Variants in FIG4 observed in about 807,000 individuals in gnomAD.
FIG4 encodes FIG4 phosphoinositide 5-phosphatase, also known as polyphosphoinositide phosphatase.
Under a neutral mutation model 118.6 loss-of-function variants are expected in FIG4, and 112 were observed. That is an observed-to-expected ratio of 0.94 (90% CI 0.81 to 1.11). The LOEUF is 1.11. FIG4 is among the 50% of genes least tolerant of loss of function. FIG4 has a pLI of 0.00. For missense variants in FIG4, 969 were observed against 1,111.7 expected (o/e 0.87, Z 1.83); for synonymous variants, 369 against 381.2 (o/e 0.97, Z 0.37).
chr6:109,718,535 T>C (rs1775505241), intron 3 of FIG4, among the ~76,000 whole-genome samples: 1 of 152,216 alleles, frequency 6.6e-6, no homozygotes, highest in African/African-American at 2.4e-5. Context: ...AAGAATACTG[T>C]CGTTGCTCTT....
intron 1 of FIG4, among the ~76,000 whole-genome samples, chr6:109,701,511 C>T (rs943125341): frequency 2.6e-5 from 4 of 152,168 alleles, no homozygotes; most frequent in Admixed American, 6.5e-5. Context: ...TAATAGTTGA[C>T]GTTAAAATTG....
chr6:109,693,406 A>G (rs565451391), intron 1 of FIG4, among the ~76,000 whole-genome samples: 1 of 152,270 alleles, frequency 6.6e-6, no homozygotes, highest in Admixed American at 6.5e-5. Context: ...ATGCCTTGCA[A>G]ACAGTAGTCT....
intron 10 of FIG4, among the ~76,000 whole-genome samples, chr6:109,744,399 T>A (rs973378438): frequency 1.3e-5 from 2 of 151,974 alleles, no homozygotes; most frequent in Non-Finnish European, 2.9e-5. Context: ...AACCACAGAA[T>A]AAGTTTTATC....
At position 109,730,563 on chromosome 6, in the gene FIG4, T is replaced by C. The variant is rs759498367; in HGVS notation, c.447-2074T>C. ...AGTAAGCTATAGTAAATAAGACTGC[T>C]AAGTATTGGTGGAGGAATTGATGGG... On this transcript the variant is annotated intron_variant, in intron 4 of 22. Transcript: ENST00000230124. 7.9e-5 allele frequency among the ~76,000 whole-genome samples: 12 copies of C among 152,262 alleles called. No homozygotes were observed. The East Asian group carries it at 2.1e-3, about 27-fold the overall frequency.
At chr6:109,724,131 A>G (rs1775705888) in intron 3 of FIG4, among the ~76,000 whole-genome samples, 1 of 152,084 alleles carries the variant, frequency 6.6e-6, no homozygotes, top group Non-Finnish European at 1.5e-5. Context: ...AGGAGGTTCC[A>G]CGAACAAACG....
At chr6:109,730,323 A>G (rs1583658435) in intron 4 of FIG4, among the ~76,000 whole-genome samples, 1 of 152,190 alleles carries the variant, frequency 6.6e-6, no homozygotes, top group East Asian at 1.9e-4. Flanking sequence ...TCCTGGGATT[A>G]CAGACATGAG....
At chr6:109,808,412 A>G (rs1778631875) in intron 22 of FIG4, among the ~76,000 whole-genome samples, 1 of 151,740 alleles carries the variant, frequency 6.6e-6, no homozygotes, top group Non-Finnish European at 1.5e-5. Flanking sequence ...TTATTAAGTC[A>G]TGACAAAGCA....
chr6:109,730,675 T>C (rs1269379670), intron 4 of FIG4, among the ~76,000 whole-genome samples: 2 of 152,094 alleles, frequency 1.3e-5, no homozygotes, highest in Non-Finnish European at 2.9e-5. Context: ...TTACAAGTCA[T>C]TGGGGGAAAA....
chr6:109,793,258 A>G (rs1387912098), intron 21 of FIG4, among the ~76,000 whole-genome samples: 1 of 152,254 alleles, frequency 6.6e-6, no homozygotes, highest in Non-Finnish European at 1.5e-5. Flanking sequence ...CCTTCTCACA[A>G]AATAAATCTG....
intron 1 of FIG4, among the ~76,000 whole-genome samples, chr6:109,708,308 T>A (rs1267668841): frequency 6.6e-6 from 1 of 152,248 alleles, no homozygotes; most frequent in East Asian, 1.9e-4. Flanking sequence ...AAGGACTTTT[T>A]TATGGCTGCA....
Position 109,792,634 on chromosome 6 carries a change from T to C in FIG4, c.2429T>C (p.Leu810Pro). 1 of 1,599,154 alleles carries C rather than the reference T, an allele frequency of 6.3e-7. No homozygotes were observed. The highest frequency in any genetic ancestry group is 8.6e-7 in the Non-Finnish European group (1 of 1,166,846). The change falls in exon 21 of 23, where the codon CTC (leucine) becomes CCC (proline). Residue 810 changes from leucine (L) to proline (P), a missense_variant. This residue lies in a region of FIG4 where 330 missense variants were observed against 348.1 expected (regional missense o/e 0.95). Coordinates refer to ENST00000230124, the MANE Select transcript of FIG4 (RefSeq NM_014845.6). ...TATGGAATTAACCTCTCAGATGGCC[T>C]CTCAGAAGAAGATTTCTCCATTTAT... ...ELYGINLSDG[L>P]SEEDFSIYSR...
At chr6:109,771,048 T>A (rs1777443283) in intron 15 of FIG4, among the ~76,000 whole-genome samples, 1 of 152,202 alleles carries the variant, frequency 6.6e-6, no homozygotes, top group Non-Finnish European at 1.5e-5. Context: ...TCAAGAATAG[T>A]GAGATAGCCT....
rs756325278 is a variant in FIG4, at chr6:109,691,467, C to T, written c.32C>T (p.Ser11Leu). The T allele has an allele frequency of 1.4e-5, 23 of 1,587,078 alleles. No individual in the cohort carries two copies. The highest frequency in any genetic ancestry group is 2.3e-5 in the East Asian group (1 of 43,470). ...ACGGCCGCCGCCCCCATCATCAGCT[C>T]GGTCCAGAAGCTGGTTCTGTATGAG... The part of the protein sequence containing the change: MPTAAAPIIS[S>L]VQKLVLYETR... The change falls in exon 1 of 23, where the codon TCG becomes TTG. Residue 11 changes from serine (S) to leucine (L), a missense_variant. Physicochemically the swap from Ser to Leu is moderately radical, Grantham distance 145. Around this residue, in one of 3 missense-constraint regions of FIG4, gnomAD observed 393 missense variants for 409.4 expected, o/e 0.96. Transcript: ENST00000230124.
Position 109,791,552 on chromosome 6 carries a change from A to G in FIG4, c.2357A>G (p.Asp786Gly). 6 of 1,613,892 alleles carry G rather than the reference A, an allele frequency of 3.7e-6. No homozygotes were observed. The highest frequency in any genetic ancestry group is 5.1e-6 in the Non-Finnish European group (6 of 1,179,980). The change falls in exon 20 of 23, where the codon GAC (aspartate) becomes GGC (glycine). Residue 786 changes from aspartate to glycine, a missense_variant. Around this residue, in one of 3 missense-constraint regions of FIG4, gnomAD observed 330 missense variants for 348.1 expected, o/e 0.95. Transcript: ENST00000230124. ...STPVKMTDAG[D>G]SAKVTENVVQ... Reference sequence around the variant, plus strand: ...CCCGTGAAGATGACTGATGCAGGAGACAGTGCCAAAGTGACCGAGGTGCGG... The same window carrying G: ...CCCGTGAAGATGACTGATGCAGGAGGCAGTGCCAAAGTGACCGAGGTGCGG...
In FIG4 at chr6:109,786,403, A is replaced by G. The variant is rs1226582141; in HGVS notation, c.2050A>G (p.Ser684Gly). 3.7e-6 allele frequency: 6 copies of G among 1,614,012 alleles called. No individual in the cohort carries two copies. The South Asian group carries it at 5.5e-5, about 15-fold the overall frequency. The change falls in exon 18 of 23, where the codon AGC becomes GGC. Residue 684 changes from serine to glycine, a missense_variant. Ser to Gly is a moderately conservative substitution (Grantham distance 56). Around this residue, in one of 3 missense-constraint regions of FIG4, gnomAD observed 330 missense variants for 348.1 expected, o/e 0.95. Transcript: ENST00000230124. ...HNEFFRPYEL[S>G]SFDDTFCLAM... ...TGAGTTCTTTCGGCCATATGAGTTG[A>G]GCAGCTTTGATGATACCTTTTGCTT...
At chr6:109,747,846 C>T (rs1473282923) in intron 10 of FIG4, among the ~76,000 whole-genome samples, 1 of 152,066 alleles carries the variant, frequency 6.6e-6, no homozygotes, top group Non-Finnish European at 1.5e-5. Flanking sequence ...AGTGCAGTGG[C>T]AAGATCATAG....
At chr6:109,720,576 A>C (rs763389994) in intron 3 of FIG4, among the ~76,000 whole-genome samples, 2 of 152,184 alleles carry the variant, frequency 1.3e-5, no homozygotes, top group Non-Finnish European at 2.9e-5. Flanking sequence ...CCAACACCAC[A>C]TGTGACTTAA....
At chr6:109,696,957 G>A (rs1253209840) in intron 1 of FIG4, among the ~76,000 whole-genome samples, 1 of 152,042 alleles carries the variant, frequency 6.6e-6, no homozygotes, top group East Asian at 1.9e-4. Context: ...ACCCTGATTT[G>A]ATCATTACAC....
chr6:109,808,988 G>C (rs1001874405), intron 22 of FIG4, among the ~76,000 whole-genome samples: 1 of 152,110 alleles, frequency 6.6e-6, no homozygotes, highest in South Asian at 2.1e-4. Context: ...CTCATGCATG[G>C]GTAAAAAGCA....
Sources: allele counts gnomAD v4.1 joint callset (sites outside exome capture counted in the v4.1 genomes callset), GRCh38; gene constraint gnomAD v4.1.1; regional missense constraint gnomAD v4.1.1; transcripts MANE v1.5; gene names NCBI Gene and HGNC (gene_info 2026-07-23, HGNC 2026-07-21).